Variants in IFT81 observed in about 807,000 individuals in gnomAD.
The protein encoded by IFT81 is intraflagellar transport 81, also known as intraflagellar transport protein 81 homolog.
Under a neutral mutation model 102.6 loss-of-function variants are expected in IFT81, and 72 were observed. That is an observed-to-expected ratio of 0.70 (90% CI 0.58 to 0.85). The LOEUF is 0.85. Ranked by LOEUF, IFT81 falls within the 40% of genes least tolerant of loss-of-function variation. The pLI is 0.00. For synonymous variants in IFT81, 237 were observed against 242.7 expected (o/e 0.98, Z 0.22); for missense variants, 723 against 787.3 (o/e 0.92, Z 0.98).
At position 110,218,295 on chromosome 12, in the gene IFT81, CT is replaced by C. The variant is rs1566179577; in HGVS notation, c.*75del. ...ATAAGCCTAATCTCATAATGTATTT[CT>C]TTTTTGAAACTGATTTGTATAGCAT... On this transcript the variant is annotated 3_prime_UTR_variant, in exon 19 of 19. Transcript: ENST00000242591. The C allele has an allele frequency of 2.5e-6, 3 of 1,200,084 alleles. No homozygotes were observed. In the South Asian group the frequency reaches 6.5e-5, roughly 26 times the overall value. 74.3% of individuals were successfully genotyped at this position (1,200,084 alleles called of 1,614,324 possible). A position where few individuals can be genotyped will look rare whatever the true frequency, so the allele number is the denominator to read the frequency against.
intron 4 of IFT81, among the ~76,000 whole-genome samples, chr12:110,132,342 C>T (rs921906278): frequency 6.6e-6 from 1 of 151,934 alleles, no homozygotes; most frequent in African/African-American, 2.4e-5. Context: ...CGCATGTAAT[C>T]CCAGGTACTC....
At chr12:110,196,977 A>G (rs1187361189) in intron 14 of IFT81, among the ~76,000 whole-genome samples, 1 of 151,542 alleles carries the variant, frequency 6.6e-6, no homozygotes, top group Non-Finnish European at 1.5e-5. Flanking sequence ...GAGTTAGGAG[A>G]CTCTTGAGCC....
At chr12:110,177,826 G>T (rs1897103819) in intron 11 of IFT81, among the ~76,000 whole-genome samples, 1 of 152,056 alleles carries the variant, frequency 6.6e-6, no homozygotes, top group African/African-American at 2.4e-5. Flanking sequence ...CGGGCGCAGT[G>T]GCTCATGCCT....
At chr12:110,187,235 T>C (rs1897574025) in intron 12 of IFT81, among the ~76,000 whole-genome samples, 2 of 151,902 alleles carry the variant, frequency 1.3e-5, no homozygotes, top group Admixed American at 1.3e-4. Context: ...GTCTGAAATT[T>C]ATTTGAGCAT....
At position 110,136,796 on chromosome 12, in the gene IFT81, A is replaced by T. The variant is rs1393961250; in HGVS notation, c.717A>T (p.Arg239Ser). 1 of 1,611,486 alleles carries T rather than the reference A, an allele frequency of 6.2e-7. No homozygotes were observed. Among genetic ancestry groups the T allele is most frequent in the Non-Finnish European group, 8.5e-7 (1 of 1,178,070 alleles). ...TAAAGCTATTTCATGCAGTGCAAAG[A>T]TTGCAAAGAGTACAAAACCAGCTGA... Reference protein sequence around the residue: ...QKNQLFHAVQRLQRVQNQLKS... With the variant: ...QKNQLFHAVQSLQRVQNQLKS... Residue 239 changes from arginine (R) to serine (S), a missense_variant, in exon 8 of 19, where the codon AGA becomes AGT. By Grantham distance (110) the Arg-to-Ser change is moderately radical. Coordinates refer to ENST00000242591, the MANE Select transcript of IFT81 (RefSeq NM_014055.4).
chr12:110,178,110 TGGAA>T (rs1897121392), intron 11 of IFT81, among the ~76,000 whole-genome samples: 1 of 144,354 alleles, frequency 6.9e-6, no homozygotes, highest in Non-Finnish European at 1.5e-5. Context: ...AAAAAAAAAT[TGGAA>T]GGAAAAATAT....
At chr12:110,182,270 A>T (rs944930341) in intron 12 of IFT81, among the ~76,000 whole-genome samples, 5 of 152,176 alleles carry the variant, frequency 3.3e-5, no homozygotes, top group Non-Finnish European at 7.4e-5. Context: ...CTTCTATAGG[A>T]TTCTAGTTGG....
intron 10 of IFT81, among the ~76,000 whole-genome samples, chr12:110,160,024 A>G (rs1896054390): frequency 6.6e-6 from 1 of 152,206 alleles, no homozygotes; most frequent in African/African-American, 2.4e-5. Flanking sequence ...GAGGAGACAG[A>G]TTTTGGGTGC....
rs142344489 is a variant in IFT81 at position 110,165,401 on chromosome 12, A to G, written c.1188+2336A>G. Among the ~76,000 whole-genome samples, 1,044 of 152,270 alleles carry G rather than the reference A, an allele frequency of 6.9e-3. 1 individual carries two copies. Among genetic ancestry groups the G allele is most frequent in the Non-Finnish European group, 9.4e-3 (640 of 68,010 alleles). ...ACTGAGGTGCCTGATTTAGTATCAC[A>G]TGGTTCACTGAGGTTTCTGGTTTGA... On this transcript the variant is annotated intron_variant, in intron 11 of 18. Coordinates refer to ENST00000242591, the MANE Select transcript of IFT81 (RefSeq NM_014055.4).
rs113628058 is a variant in IFT81 at position 110,130,416 on chromosome 12, A to T, written c.429+1286A>T. On this transcript the variant is annotated intron_variant, in intron 4 of 18. Coordinates refer to ENST00000242591, the MANE Select transcript of IFT81 (RefSeq NM_014055.4). ...AGTCTTGCTCTGTTGCCCAGGCTGGATGGAGTGCAGTGGTGCAATCTCGGC... is the reference window on the plus strand; with the variant it reads ...AGTCTTGCTCTGTTGCCCAGGCTGGTTGGAGTGCAGTGGTGCAATCTCGGC... 2.7e-3 allele frequency among the ~76,000 whole-genome samples: 382 copies of T among 143,688 alleles called. 2 individuals carry two copies. Among genetic ancestry groups the T allele is most frequent in the African/African-American group, 8.9e-3 (342 of 38,298 alleles). The allele number at this position is 143,688 out of a possible 152,430, so 94.3% of individuals were successfully genotyped here. A position where few individuals can be genotyped will look rare whatever the true frequency, so the allele number is the denominator to read the frequency against.
At chr12:110,195,977 C>T (rs753880997) in intron 14 of IFT81, among the ~76,000 whole-genome samples, 6 of 152,142 alleles carry the variant, frequency 3.9e-5, no homozygotes, top group Non-Finnish European at 7.4e-5. Flanking sequence ...AAAAGAATGT[C>T]TATTTTCCAG....
At chr12:110,152,344 A>G (rs1368258249) in intron 10 of IFT81, among the ~76,000 whole-genome samples, 1 of 152,168 alleles carries the variant, frequency 6.6e-6, no homozygotes, top group African/African-American at 2.4e-5. Flanking sequence ...GATAGTAGCC[A>G]TTCTAACAGT....
chr12:110,145,724 C>T (rs989222674), intron 9 of IFT81, among the ~76,000 whole-genome samples: 4 of 151,986 alleles, frequency 2.6e-5, no homozygotes, highest in East Asian at 1.9e-4. Context: ...TGTGAGCCAC[C>T]GCGCCCAGGC....
intron 10 of IFT81, among the ~76,000 whole-genome samples, chr12:110,153,869 C>T (rs1237568146): frequency 5.3e-5 from 8 of 150,540 alleles, no homozygotes; most frequent in Non-Finnish European, 7.4e-5. Flanking sequence ...CCACCTGCCT[C>T]GGCTGCCAAA....
In IFT81 at chr12:110,141,983, CAA is replaced by C. The variant is rs1268855072; in HGVS notation, c.782-1398_782-1397del. Among the ~76,000 whole-genome samples the C allele has an allele frequency of 7.9e-5, 12 of 152,130 alleles. No individual in the cohort carries two copies. The East Asian group carries it at 2.3e-3, about 29-fold the overall frequency. On this transcript the variant is annotated intron_variant, in intron 8 of 18. Transcript: ENST00000242591. ...ATCTCTCTAGGCTGGGAATTTAAAA[CAA>C]GATGGTTATTCACTGAAAATCTGTG... is the stretch of plus-strand genomic sequence containing the variant.
At chr12:110,186,191 A>G (rs546039226) in intron 12 of IFT81, among the ~76,000 whole-genome samples, 8 of 152,082 alleles carry the variant, frequency 5.3e-5, no homozygotes, top group Non-Finnish European at 1.2e-4. Flanking sequence ...ATTTAATTCC[A>G]TTGTCTTCTG....
At chr12:110,217,630 C>T (rs550410485) in intron 18 of IFT81, among the ~76,000 whole-genome samples, 16 of 151,712 alleles carry the variant, frequency 1.1e-4, no homozygotes, top group South Asian at 2.1e-4. Flanking sequence ...GGCGTGATCT[C>T]GGCTCACTGC....
At position 110,129,031 on chromosome 12, in the gene IFT81, T is replaced by C. The variant is rs1894013745; in HGVS notation, c.330T>C (p.Asn110=). 1 of 1,608,738 alleles carries C rather than the reference T, an allele frequency of 6.2e-7. No homozygotes were observed. Among genetic ancestry groups the C allele is most frequent in the African/African-American group, 1.3e-5 (1 of 74,654 alleles). ...PVLHWLLQRT[N]ELKKRAYLAR... ...TCCACTGGCTTCTTCAGAGGACTAA[T>C]GAACTGAAGAAAAGAGCATATTTAG... The change falls in exon 4 of 19, where the codon AAT becomes AAC. Residue 110 remains asparagine (N), a synonymous_variant. Transcript: ENST00000242591.
At chr12:110,129,809 C>T (rs1894056557) in intron 4 of IFT81, among the ~76,000 whole-genome samples, 1 of 151,944 alleles carries the variant, frequency 6.6e-6, no homozygotes, top group South Asian at 2.1e-4. Context: ...GAGAAAGAAA[C>T]TAGACTCAGA....
Sources: gnomAD v4.1 joint callset for allele counts (sites outside exome capture counted in the v4.1 genomes callset) on GRCh38, gnomAD v4.1.1 for gene constraint, MANE v1.5 for transcripts, NCBI Gene and HGNC (gene_info 2026-07-23, HGNC 2026-07-21) for gene names.